Variants in REELD1 observed in about 807,000 individuals in gnomAD.
REELD1 encodes reeler domain containing 1.
Under a neutral mutation model 6.3 loss-of-function variants are expected in REELD1, and 12 were observed. The ratio of observed to expected loss-of-function variants is 1.89; its 90% CI spans 1.21 to 3.07. The LOEUF (loss-of-function observed/expected upper bound fraction) is 3.07, where lower values mean the gene tolerates loss of function less well. Among genes scored for constraint, REELD1 ranks in the 30% most tolerant of loss-of-function variants. The pLI is 0.00. For synonymous variants in REELD1, 57 were observed against 33.6 expected (o/e 1.70, Z -2.42); for missense variants, 163 against 86.8 (o/e 1.88, Z -3.49).
chr4:146,224,566 A>T lies in REELD1; in HGVS notation c.553A>T (p.Asn185Tyr), dbSNP rs1347794890. 1 of 702,240 alleles carries T rather than the reference A, an allele frequency of 1.4e-6. No individual in the cohort carries two copies. Among genetic ancestry groups the T allele is most frequent in the Non-Finnish European group, 2.6e-6 (1 of 384,948 alleles). 43.5% of individuals were successfully genotyped at this position (702,240 alleles called of 1,614,324 possible). The change falls in exon 5 of 8, where the codon AAC (asparagine) becomes TAC (tyrosine). Residue 185 changes from asparagine to tyrosine, a missense_variant. Physicochemically the swap from Asn to Tyr is moderately radical, Grantham distance 143. Coordinates refer to ENST00000623665, the MANE Select transcript of REELD1 (RefSeq NM_001354631.1). The part of the protein sequence containing the change: ...DRMEPRLLMP[N>Y]LHQRLGDVEG... ...CATGGAGCCCAGATTGCTGATGCCA[A>T]ACCTTCACCAGAGGCTGGGCGATGT...
chr4:146,230,334 C>G lies in REELD1; in HGVS notation c.1402C>G (p.Gln468Glu). Residue 468 changes from glutamine to glutamate, a missense_variant, in exon 8 of 8, where the codon CAG (glutamine) becomes GAG (glutamate). Physicochemically the swap from Gln to Glu is conservative, Grantham distance 29. Transcript: ENST00000623665. Reference sequence around the variant, plus strand: ...CGCTGGCCTTCGCTACCTGCACACCCAGTATTGCCACCAGCAGACAGAAGT... The same window carrying G: ...CGCTGGCCTTCGCTACCTGCACACCGAGTATTGCCACCAGCAGACAGAAGT... ...LAAGLRYLHT[Q>E]YCHQQTEVSF... 1 of 398,910 alleles carries G rather than the reference C, an allele frequency of 2.5e-6. No homozygotes were observed. The highest frequency in any genetic ancestry group is 4.4e-5 in the Admixed American group (1 of 22,742). The allele number at this position is 398,910 out of a possible 1,614,324, so 24.7% of individuals were successfully genotyped here.
chr4:146,215,986 C>G (rs532447212), intron 2 of REELD1, among the ~76,000 whole-genome samples: 2 of 152,092 alleles, frequency 1.3e-5, no homozygotes, highest in Admixed American at 6.6e-5. Context: ...CCTGTGCTCA[C>G]GCAATCCACC....
At position 146,214,820 on chromosome 4, in the gene REELD1, G is replaced by A. The variant is rs116763990; in HGVS notation, c.-135+126G>A. ...CGGCCTCCCAAAGTGCTGGGATTAC[G>A]GGTGTGAGCCACCATGCTCAGCTCC... On this transcript the variant is annotated intron_variant, in intron 1 of 7. Transcript: ENST00000623665. 1,271 of 151,758 alleles carry A rather than the reference G, an allele frequency of 8.4e-3. 22 individuals are homozygous for A. The highest frequency in any genetic ancestry group is 0.029 in the African/African-American group (1,207 of 41,306). The allele number at this position is 151,758 out of a possible 1,614,324, so 9.4% of individuals were successfully genotyped here.
chr4:146,228,881 C>T (rs760761101), intron 6 of REELD1, 144 bp from the exon 7 acceptor site: 172 of 596,758 alleles, frequency 2.9e-4, no homozygotes, highest in Non-Finnish European at 4.2e-4. Flanking sequence ...TCTCCCCTTC[C>T]TCTTCTCTAT....
At chr4:146,220,810 G>A (rs772420856) in intron 3 of REELD1, among the ~76,000 whole-genome samples, 39 of 152,240 alleles carry the variant, frequency 2.6e-4, no homozygotes, top group Non-Finnish European at 5.1e-4. Flanking sequence ...ATCCCCTGGG[G>A]AAAAGGAGAG....
chr4:146,228,625 T>A (rs948693266), intron 6 of REELD1, 103 bp downstream of exon 6: 10 of 604,078 alleles, frequency 1.7e-5, no homozygotes, highest in Middle Eastern at 4.3e-4. Context: ...CCATATTTTT[T>A]CTTAAGTGTG....
chr4:146,226,856 C>T (rs1422589505), intron 5 of REELD1, among the ~76,000 whole-genome samples: 1 of 152,226 alleles, frequency 6.6e-6, no homozygotes, highest in Admixed American at 6.5e-5. Context: ...CTACAACCTC[C>T]ACCTCCTGGG....
Position 146,230,232 on chromosome 4 carries a change from C to T in REELD1, c.1300C>T (p.Pro434Ser). ...CATTGGGCTAGAGGGAGCCCAGGCC[C>T]CTCTGGGTATCCAGCTCAGAACTCC... ...PDIGLEGAQA[P>S]LGIQLRTPQL... The change falls in exon 8 of 8, where the codon CCT becomes TCT. Residue 434 changes from proline to serine, a missense_variant. By Grantham distance (74) the Pro-to-Ser change is moderately conservative. Coordinates refer to ENST00000623665, the MANE Select transcript of REELD1 (RefSeq NM_001354631.1). 1 of 398,802 alleles carries T rather than the reference C, an allele frequency of 2.5e-6. No individual in the cohort carries two copies. 24.7% of individuals were successfully genotyped at this position (398,802 alleles called of 1,614,324 possible). A position where few individuals can be genotyped will look rare whatever the true frequency, so the allele number is the denominator to read the frequency against.
At chr4:146,221,504 C>G (rs1270201886) in intron 3 of REELD1, among the ~76,000 whole-genome samples, 2 of 152,218 alleles carry the variant, frequency 1.3e-5, no homozygotes, top group African/African-American at 4.8e-5. Context: ...TACAACCACA[C>G]ATTTTAACAT....
intron 5 of REELD1, among the ~76,000 whole-genome samples, chr4:146,224,976 G>A (rs867114515): frequency 3.3e-5 from 5 of 152,246 alleles, no homozygotes; most frequent in Middle Eastern, 3.4e-3. Context: ...CTGAAGCTAC[G>A]CAGGGAGCAC....
intron 6 of REELD1, 125 bp from the exon 7 acceptor site, chr4:146,228,900 A>G (rs1332994724): frequency 6.1e-6 from 4 of 653,516 alleles, no homozygotes; most frequent in Non-Finnish European, 1.1e-5. Context: ...ATGGTTCCTG[A>G]CTCCAAAATC....
chr4:146,230,068 C>G lies in REELD1; in HGVS notation c.1136C>G (p.Pro379Arg), dbSNP rs892351518. 1 of 398,708 alleles carries G rather than the reference C, an allele frequency of 2.5e-6. No individual in the cohort carries two copies. Among genetic ancestry groups the G allele is most frequent in the African/African-American group, 2.1e-5 (1 of 48,638 alleles). 24.7% of individuals were successfully genotyped at this position (398,708 alleles called of 1,614,324 possible). ...CAGACCTCTGGCACTTCTGGGCTAC[C>G]TGCTGCTGGTGACCAGTCAGAGGCA... The part of the protein sequence containing the change: ...VLQTSGTSGL[P>R]AAGDQSEASR... The change falls in exon 8 of 8, where the codon CCT becomes CGT. Residue 379 changes from proline to arginine, a missense_variant. Pro to Arg is a moderately radical substitution (Grantham distance 103, BLOSUM62 -2). Coordinates refer to ENST00000623665, the MANE Select transcript of REELD1 (RefSeq NM_001354631.1).
At position 146,232,257 on chromosome 4, in the gene REELD1, C is replaced by T. The variant is rs536352545; in HGVS notation, c.*1744C>T. On this transcript the variant is annotated 3_prime_UTR_variant, in exon 8 of 8. Transcript: ENST00000623665. ...GCTTAGTAGTTGAAAATAAAATCACCACCAACACCACCATTTATCATCTTT... is the reference window on the plus strand; with the variant it reads ...GCTTAGTAGTTGAAAATAAAATCACTACCAACACCACCATTTATCATCTTT... The T allele has an allele frequency of 6.6e-6, 1 of 152,272 alleles. No individual in the cohort carries two copies. The highest frequency in any genetic ancestry group is 2.1e-4 in the South Asian group (1 of 4,818). The allele number at this position is 152,272 out of a possible 1,614,324, so 9.4% of individuals were successfully genotyped here.
At position 146,230,295 on chromosome 4, in the gene REELD1, G is replaced by A. The variant is rs941329222; in HGVS notation, c.1363G>A (p.Gly455Ser). The part of the protein sequence containing the change: ...GILLCLSATL[G>S]MALAAGLRYL... ...TCTGCTTTGCCTGTCAGCCACCCTG[G>A]GCATGGCCCTGGCCGCTGGCCTTCG... Residue 455 changes from glycine to serine, a missense_variant, in exon 8 of 8, where the codon GGC becomes AGC. By Grantham distance (56) the Gly-to-Ser change is moderately conservative. Coordinates refer to ENST00000623665, the MANE Select transcript of REELD1 (RefSeq NM_001354631.1). 78 of 398,810 alleles carry A rather than the reference G, an allele frequency of 2.0e-4. No individual in the cohort carries two copies. The highest frequency in any genetic ancestry group is 2.8e-4 in the Non-Finnish European group (63 of 226,306). 24.7% of individuals were successfully genotyped at this position (398,810 alleles called of 1,614,324 possible).
chr4:146,222,515 C>A lies in REELD1; in HGVS notation c.367C>A (p.Leu123Met). Residue 123 changes from leucine to methionine, a missense_variant, in exon 4 of 8, where the codon CTG becomes ATG. By Grantham distance (15) the Leu-to-Met change is conservative. Transcript: ENST00000623665. ...ADAVTHSDKS[L>M]KRNLSFVWKA... ...TGCAGTCACCCACTCTGACAAGTCC[C>A]TGAAGAGAAACCTGTCATTCGTGTG... 5.0e-6 allele frequency: 2 copies of A among 398,618 alleles called. No homozygotes were observed. The highest frequency in any genetic ancestry group is 8.8e-6 in the Non-Finnish European group (2 of 226,072). 24.7% of individuals were successfully genotyped at this position (398,618 alleles called of 1,614,324 possible).
chr4:146,216,576 C>T lies in REELD1; in HGVS notation c.-11-366C>T, dbSNP rs138796597. On this transcript the variant is annotated intron_variant, in intron 2 of 7. Coordinates refer to ENST00000623665, the MANE Select transcript of REELD1 (RefSeq NM_001354631.1). Reference sequence around the variant, plus strand: ...ACTTCAGATAATGTATCAGAGGCCACACCGCCTTTGGGTACCAGTCAGCTT... The same window carrying T: ...ACTTCAGATAATGTATCAGAGGCCATACCGCCTTTGGGTACCAGTCAGCTT... 2.3e-3 allele frequency among the ~76,000 whole-genome samples: 351 copies of T among 152,314 alleles called. 2 individuals carry two copies. Among genetic ancestry groups the T allele is most frequent in the African/African-American group, 7.2e-3 (299 of 41,566 alleles).
intron 3 of REELD1, among the ~76,000 whole-genome samples, chr4:146,222,098 G>C (rs879297936): frequency 1.3e-5 from 2 of 151,934 alleles, no homozygotes; most frequent in African/African-American, 2.4e-5. Context: ...GCTGGGTTTT[G>C]CTCAGAGAGG....
chr4:146,220,711 C>G (rs1730909374), intron 3 of REELD1, among the ~76,000 whole-genome samples: 1 of 152,228 alleles, frequency 6.6e-6, no homozygotes, highest in Non-Finnish European at 1.5e-5. Flanking sequence ...ATTAGCTGTT[C>G]TCTCAGCAGA....
rs1305553671 is a variant in REELD1, at chr4:146,217,054, T to A, written c.102T>A (p.Asp34Glu). ...ATGGTGCCAGCACGGTGGCCTGTGA[T>A]GACATGCAGCCCAAGCACATCCAAG... is the stretch of plus-strand genomic sequence containing the variant. ...FSHGASTVAC[D>E]DMQPKHIQAQ... Residue 34 changes from aspartate (D) to glutamate (E), a missense_variant, in exon 3 of 8, where the codon GAT (aspartate) becomes GAA (glutamate). Asp to Glu is a conservative substitution (Grantham distance 45). Transcript: ENST00000623665. 2.5e-6 allele frequency: 1 copy of A among 398,988 alleles called. No individual in the cohort carries two copies. Among genetic ancestry groups the A allele is most frequent in the Non-Finnish European group, 4.4e-6 (1 of 226,348 alleles). 24.7% of individuals were successfully genotyped at this position (398,988 alleles called of 1,614,324 possible). A position where few individuals can be genotyped will look rare whatever the true frequency, so the allele number is the denominator to read the frequency against.
Sources: allele counts gnomAD v4.1 joint callset (sites outside exome capture counted in the v4.1 genomes callset), GRCh38; gene constraint gnomAD v4.1.1; transcripts MANE v1.5; gene names NCBI Gene and HGNC (gene_info 2026-07-23, HGNC 2026-07-21).